CYP4A22: variants seen among roughly 807,000 people sequenced by gnomAD.
CYP4A22 encodes cytochrome P450 4A22.
CYP4A22 carries 46 observed loss-of-function variants against 56.2 expected under a neutral mutation model. That is an observed-to-expected ratio of 0.82 (90% CI 0.65 to 1.05). The LOEUF (loss-of-function observed/expected upper bound fraction) is 1.05. Among genes scored for constraint, CYP4A22 ranks in the 50% least tolerant of loss-of-function variants. The pLI is 0.00. For synonymous variants in CYP4A22, 193 were observed against 251.1 expected (o/e 0.77, Z 2.19); for missense variants, 541 against 645.9 (o/e 0.84, Z 1.76).
At chr1:47,140,168 C>T (rs183956418) in intron 1 of CYP4A22, among the ~76,000 whole-genome samples, 8 of 152,190 alleles carry the variant, frequency 5.3e-5, no homozygotes, top group Non-Finnish European at 1.0e-4. Context: ...AATAAGAAAC[C>T]CAAATCTCAA....
chr1:47,141,685 A>C lies in CYP4A22; in HGVS notation c.382+70A>C. 2.5e-6 allele frequency: 4 copies of C among 1,576,026 alleles called. No homozygotes were observed. In the East Asian group the frequency reaches 9.0e-5, roughly 36 times the overall value. On this transcript the variant is annotated intron_variant, in intron 3 of 11. Coordinates refer to ENST00000371891, the MANE Select transcript of CYP4A22 (RefSeq NM_001010969.4). ...TGAGTTATTTATTTGGCTCACAGAG[A>C]ACAACAGATTAGAGGCCACCACTAT...
intron 11 of CYP4A22, among the ~76,000 whole-genome samples, chr1:47,147,735 G>C (rs772558418): frequency 6.6e-6 from 1 of 152,154 alleles, no homozygotes; most frequent in African/African-American, 2.4e-5. Context: ...GACATTCTCA[G>C]CCATCTCCAC....
intron 8 of CYP4A22, 32 bp from the exon 9 acceptor site, chr1:47,144,805 C>A: frequency 6.2e-7 from 1 of 1,612,606 alleles, no homozygotes; most frequent in South Asian, 1.1e-5. Context: ...TCTGCCCAGG[C>A]CTTGCTGGTG....
chr1:47,143,665 G>C (rs1358824497), intron 5 of CYP4A22, 97 bp from the exon 6 acceptor site: 1 of 1,481,000 alleles, frequency 6.8e-7, no homozygotes, highest in African/African-American at 1.4e-5. Context: ...AAGGCTGCTT[G>C]TCCCCATTAT....
chr1:47,141,974 G>A, intron 3 of CYP4A22, 134 bp from the exon 4 acceptor site: 1 of 1,311,388 alleles, frequency 7.6e-7, no homozygotes. Context: ...TCCTGCATTT[G>A]CCCATGATGT....
At chr1:47,146,601 G>C in intron 11 of CYP4A22, 1 of 1,021,122 alleles carries the variant, frequency 9.8e-7, no homozygotes, top group Non-Finnish European at 1.2e-6. Context: ...CTAGTCTGTC[G>C]TAGAGATGAA....
Position 47,141,602 on chromosome 1 carries a change from G to C in CYP4A22, c.369G>C (p.Leu123=). The C allele has an allele frequency of 6.2e-7, 1 of 1,613,564 alleles. No homozygotes were observed. Among genetic ancestry groups the C allele is most frequent in the Non-Finnish European group, 8.5e-7 (1 of 1,179,704 alleles). ...AATCCCATGGATCCTACAAATTCCT[G>C]GCTCCACGGATTGGTATGTGTGCAA... The part of the protein sequence containing the change: ...DPKSHGSYKF[L]APRIGYGLLL... Residue 123 remains leucine, a synonymous_variant, in exon 3 of 12, where the codon CTG becomes CTC. Coordinates refer to ENST00000371891, the MANE Select transcript of CYP4A22 (RefSeq NM_001010969.4).
At chr1:47,144,300 C>T (rs1374414076) in intron 6 of CYP4A22, 57 bp from the exon 7 acceptor site, 1 of 1,585,436 alleles carries the variant, frequency 6.3e-7, no homozygotes, top group African/African-American at 1.3e-5. Flanking sequence ...GGCAGCTAGG[C>T]CTCCTGGGGG....
rs1024433805 is a variant in CYP4A22, at chr1:47,146,922, A to T, written c.1364+769A>T. The T allele has an allele frequency of 2.1e-5, 21 of 985,428 alleles. No individual in the cohort carries two copies. In the African/African-American group the frequency reaches 3.0e-4, roughly 14 times the overall value. The allele number at this position is 985,428 out of a possible 1,614,324, so 61.0% of individuals were successfully genotyped here. A position where few individuals can be genotyped will look rare whatever the true frequency, so the allele number is the denominator to read the frequency against. ...GAACAGTACACTGTCTTGGAGAGAA[A>T]AGCCCAATAATTATCATATAACGCA... On this transcript the variant is annotated intron_variant, in intron 11 of 11. Coordinates refer to ENST00000371891, the MANE Select transcript of CYP4A22 (RefSeq NM_001010969.4).
intron 1 of CYP4A22, among the ~76,000 whole-genome samples, chr1:47,138,461 G>A (rs566957771): frequency 2.0e-5 from 3 of 152,258 alleles, no homozygotes; most frequent in Non-Finnish European, 4.4e-5. Context: ...TCCCCTTCCT[G>A]TGCCCCGGCA....
intron 1 of CYP4A22, among the ~76,000 whole-genome samples, chr1:47,138,633 T>G (rs1644972222): frequency 6.6e-6 from 1 of 152,248 alleles, no homozygotes; most frequent in South Asian, 2.1e-4. Context: ...ATTTTGCAAT[T>G]TTTTTGAGCT....
In CYP4A22 at chr1:47,143,778, A is replaced by G; in HGVS notation, c.652A>G (p.Ile218Val). 1 of 1,612,382 alleles carries G rather than the reference A, an allele frequency of 6.2e-7. No homozygotes were observed. Among genetic ancestry groups the G allele is most frequent in the South Asian group, 1.1e-5 (1 of 90,764 alleles). Residue 218 changes from isoleucine to valine, a missense_variant, in exon 6 of 12, where the codon ATC (isoleucine) becomes GTC (valine). Coordinates refer to ENST00000371891, the MANE Select transcript of CYP4A22 (RefSeq NM_001010969.4). ...CTCCCTCAGGAATTCTCAGTCCTACATCCAGGCCATTAGTGACCTGAACAG... is the reference window on the plus strand; with the variant it reads ...CTCCCTCAGGAATTCTCAGTCCTACGTCCAGGCCATTAGTGACCTGAACAG... ...IQVDRNSQSY[I>V]QAISDLNSLV...
In CYP4A22 at chr1:47,143,882, A is replaced by C. The variant is rs1306424342; in HGVS notation, c.756A>C (p.Thr252=). ...GCCTGACCTCTGCTGGCCGCTGGAC[A>C]CACCGCGCCTGCCAGCTGGCCCATC... The part of the protein sequence containing the change: ...IYSLTSAGRW[T]HRACQLAHQH... The change falls in exon 6 of 12, where the codon ACA becomes ACC. Residue 252 remains threonine (T), a synonymous_variant. Transcript: ENST00000371891. The C allele has an allele frequency of 6.2e-7, 1 of 1,613,340 alleles. No homozygotes were observed. The highest frequency in any genetic ancestry group is 8.5e-7 in the Non-Finnish European group (1 of 1,179,696).
chr1:47,138,500 G>A (rs1446148068), intron 1 of CYP4A22, among the ~76,000 whole-genome samples: 12 of 152,292 alleles, frequency 7.9e-5, no homozygotes, highest in Non-Finnish European at 1.8e-4. Flanking sequence ...CAGCTTGATG[G>A]TCAGCTCAGG....
At position 47,144,892 on chromosome 1, in the gene CYP4A22, C is replaced by T. The variant is rs1283547573; in HGVS notation, c.1144C>T (p.Leu382Phe). The part of the protein sequence containing the change: ...TTMCIKEALR[L>F]YPPVPGIGRE... ...CATGTGCATTAAGGAGGCACTGAGG[C>T]TCTACCCACCGGTGCCAGGCATTGG... The change falls in exon 9 of 12, where the codon CTC becomes TTC. Residue 382 changes from leucine (L) to phenylalanine (F), a missense_variant. By Grantham distance (22) the Leu-to-Phe change is conservative (BLOSUM62 0). Transcript: ENST00000371891. 3 of 1,614,170 alleles carry T rather than the reference C, an allele frequency of 1.9e-6. No individual in the cohort carries two copies. The highest frequency in any genetic ancestry group is 1.7e-6 in the Non-Finnish European group (2 of 1,180,028).
rs756801439 is a variant in CYP4A22 at position 47,143,386 on chromosome 1, G to C, written c.628G>C (p.Val210Leu). The change falls in exon 5 of 12, where the codon GTG becomes CTG. Residue 210 changes from valine to leucine, a missense_variant. By Grantham distance (32) the Val-to-Leu change is conservative (BLOSUM62 1). Transcript: ENST00000371891. ...CTTCAGCCATCAGGGCAGCATCCAG[G>C]TGGACAGGTCAGTGACAACCCTCCA... is the stretch of plus-strand genomic sequence containing the variant. ...SAFSHQGSIQ[V>L]DRNSQSYIQA... 1.2e-6 allele frequency: 2 copies of C among 1,612,908 alleles called. No homozygotes were observed. Among genetic ancestry groups the C allele is most frequent in the South Asian group, 1.1e-5 (1 of 90,822 alleles).
chr1:47,140,965 T>G lies in CYP4A22; in HGVS notation c.337+44T>G, dbSNP rs772456677. ...CCCAACTGCAATTTCTCTTCCCTCTTGACACATGCCCCTGGGTCTGTAAAA... is the reference window on the plus strand; with the variant it reads ...CCCAACTGCAATTTCTCTTCCCTCTGGACACATGCCCCTGGGTCTGTAAAA... On this transcript the variant is annotated intron_variant, in intron 2 of 11. Coordinates refer to ENST00000371891, the MANE Select transcript of CYP4A22 (RefSeq NM_001010969.4). 1.7e-5 allele frequency: 27 copies of G among 1,609,906 alleles called. No homozygotes were observed. In the East Asian group the frequency reaches 5.4e-4, roughly 32 times the overall value.
At chr1:47,143,971 G>T in intron 6 of CYP4A22, 55 bp downstream of exon 6, 1 of 1,557,090 alleles carries the variant, frequency 6.4e-7, no homozygotes, top group Non-Finnish European at 8.7e-7. Context: ...GAAAGTACCT[G>T]CCCTGACTCC....
In CYP4A22 at chr1:47,144,684, G is replaced by C; in HGVS notation, c.1032G>C (p.Gln344His). The change falls in exon 8 of 12, where the codon CAG (glutamine) becomes CAC (histidine). Residue 344 changes from glutamine (Q) to histidine (H), a missense_variant. Physicochemically the swap from Gln to His is conservative, Grantham distance 24. Transcript: ENST00000371891. ...LYALATHPKHQERCREEIHGL... is the reference protein window; with the variant it reads ...LYALATHPKHHERCREEIHGL... ...CTCTGGCCACACACCCCAAGCATCAGGAGAGGTGCCGGGAGGAGATCCATG... is the reference window on the plus strand; with the variant it reads ...CTCTGGCCACACACCCCAAGCATCACGAGAGGTGCCGGGAGGAGATCCATG... 6.2e-7 allele frequency: 1 copy of C among 1,613,952 alleles called. No individual in the cohort carries two copies. Among genetic ancestry groups the C allele is most frequent in the Non-Finnish European group, 8.5e-7 (1 of 1,179,880 alleles).
Sources: gnomAD v4.1 joint callset for allele counts (sites outside exome capture counted in the v4.1 genomes callset) on GRCh38, gnomAD v4.1.1 for gene constraint, MANE v1.5 for transcripts, NCBI Gene and HGNC (gene_info 2026-07-23, HGNC 2026-07-21) for gene names.